AGAP1: variants seen among roughly 807,000 people sequenced by gnomAD.
The protein encoded by AGAP1 is arf-GAP with GTPase, ANK repeat and PH domain-containing protein 1.
AGAP1 carries 29 observed loss-of-function variants against 105.3 expected under a neutral mutation model. The ratio of observed to expected loss-of-function variants is 0.28; its 90% CI spans 0.21 to 0.38. The LOEUF (loss-of-function observed/expected upper bound fraction) is 0.38. Ranked by LOEUF, AGAP1 falls within the 10% of genes least tolerant of loss-of-function variation. AGAP1 has a pLI of 1.00. For synonymous variants in AGAP1, 509 were observed against 485.9 expected (o/e 1.05, Z -0.63); for missense variants, 998 against 1,165.1 (o/e 0.86, Z 2.09).
Position 236,090,825 on chromosome 2 carries a change from C to T in AGAP1, c.2115-29367C>T, listed in dbSNP as rs2059040401. 6.6e-6 allele frequency among the ~76,000 whole-genome samples: 1 copy of T among 152,258 alleles called. No homozygotes were observed. ...CACGATCTTGGCTCACTGCAACCCC[C>T]GCCTCCCAGGTTCAAGCGATTCTCA... On this transcript the variant is annotated intron_variant, in intron 16 of 17. Transcript: ENST00000304032. This position sits in a 1 kb window ranked among gnomAD's most constrained non-coding sequence, Gnocchi z 4.3.
In AGAP1 at chr2:235,906,576, A is replaced by C. The variant is rs2051316848; in HGVS notation, c.1156-2162A>C. Among the ~76,000 whole-genome samples the C allele has an allele frequency of 6.6e-6, 1 of 152,026 alleles. No homozygotes were observed. The highest frequency in any genetic ancestry group is 6.5e-5 in the Admixed American group (1 of 15,278). The stretch of plus-strand genomic sequence containing the variant: ...TCCTCCCGCCCGTCCTGCCGTTGAG[A>C]ATTCCTGCACCCTTTTCCCTTGAGT... On this transcript the variant is annotated intron_variant, in intron 10 of 17. Transcript: ENST00000304032. The surrounding 1 kb of genome is among the most constrained non-coding windows in gnomAD (Gnocchi z 5.3).
intron 3 of AGAP1, 62 bp downstream of exon 3, chr2:235,717,706 C>A (rs1951189494): frequency 1.4e-6 from 2 of 1,401,450 alleles, no homozygotes; most frequent in Non-Finnish European, 9.9e-7. Context: ...TTTTCCTTAG[C>A]ATATTATAAA....
rs2125042627 is a variant in AGAP1, at chr2:235,908,964, CTCGAGGATAA to C, written c.1324+60_1324+69del. 6.5e-7 allele frequency: 1 copy of C among 1,542,128 alleles called. No individual in the cohort carries two copies. Among genetic ancestry groups the C allele is most frequent in the South Asian group, 1.2e-5 (1 of 84,366 alleles). On this transcript the variant is annotated intron_variant, in intron 11 of 17. Coordinates refer to ENST00000304032, the MANE Select transcript of AGAP1 (RefSeq NM_001037131.3). This position sits in a 1 kb window ranked among gnomAD's most constrained non-coding sequence, Gnocchi z 4.4. ...GTTCAACAGCAACAGGTGGTCCAGG[CTCGAGGATAA>C]TGTTGGACTCCTAGGTTAAGTGGAG...
chr2:235,674,801 C>G (rs536632873), intron 1 of AGAP1, among the ~76,000 whole-genome samples: 1 of 151,226 alleles, frequency 6.6e-6, no homozygotes, highest in East Asian at 2.0e-4. Flanking sequence ...CAATTCTCCT[C>G]CCTCAGCCTC....
At chr2:235,856,285 T>C (rs2048683077) in intron 9 of AGAP1, among the ~76,000 whole-genome samples, 1 of 152,234 alleles carries the variant, frequency 6.6e-6, no homozygotes, top group Non-Finnish European at 1.5e-5. Flanking sequence ...TTTGTTCTTG[T>C]ACCCAGTGAT....
At position 235,524,420 on chromosome 2, in the gene AGAP1, CAGTG is replaced by C. The variant is rs573754416; in HGVS notation, c.163+29572_163+29575del. 5 of 243,970 alleles carry C rather than the reference CAGTG, an allele frequency of 2.0e-5. No homozygotes were observed. The Admixed American group carries it at 2.2e-4, about 11-fold the overall frequency. 15.1% of individuals were successfully genotyped at this position (243,970 alleles called of 1,614,324 possible). A position where few individuals can be genotyped will look rare whatever the true frequency, so the allele number is the denominator to read the frequency against. On this transcript the variant is annotated intron_variant, in intron 1 of 17. Coordinates refer to ENST00000304032, the MANE Select transcript of AGAP1 (RefSeq NM_001037131.3). The stretch of plus-strand genomic sequence containing the variant: ...TGTGTGATATTTTTGCACAGCCTGA[CAGTG>C]GGGGCAAGTTTAGAGCCTTTGAGCT...
At chr2:235,833,665 C>T (rs62190887) in intron 9 of AGAP1, among the ~76,000 whole-genome samples, 23,820 of 151,890 alleles carry the variant, frequency 0.16, 2,267 homozygotes, top group South Asian at 0.26. Context: ...AAATATATCC[C>T]GAATGAATGA....
chr2:235,675,165 T>G (rs555692895), intron 1 of AGAP1, among the ~76,000 whole-genome samples: 77 of 150,454 alleles, frequency 5.1e-4, no homozygotes, highest in Admixed American at 8.7e-4. Flanking sequence ...GGACACTTTT[T>G]GTTGGTTGGT....
chr2:235,670,127 C>A (rs1411390893), intron 1 of AGAP1: 1 of 572,964 alleles, frequency 1.7e-6, no homozygotes, highest in Non-Finnish European at 3.2e-6. Flanking sequence ...CAGTGGCGAG[C>A]CCGCGTCGCC....
intron 1 of AGAP1, among the ~76,000 whole-genome samples, chr2:235,686,588 C>CACACATACATAT (rs1553605459): frequency 3.3e-4 from 36 of 108,514 alleles, no homozygotes; most frequent in African/African-American, 1.2e-3. Flanking sequence ...CACACACACA[C>CACACATACATAT]GTGTGTGTGT....
In AGAP1 at chr2:235,837,804, G is replaced by C. The variant is rs1420638351; in HGVS notation, c.1050+30473G>C. On this transcript the variant is annotated intron_variant, in intron 9 of 17. Transcript: ENST00000304032. Reference sequence around the variant, plus strand: ...TTTTCTCATCAATAAATTTATTACTGTTAATTCCAGATAAATGTTAGAAAA... The same window carrying C: ...TTTTCTCATCAATAAATTTATTACTCTTAATTCCAGATAAATGTTAGAAAA... Among the ~76,000 whole-genome samples the C allele has an allele frequency of 1.6e-4, 25 of 152,082 alleles. 1 individual carries two copies. Among genetic ancestry groups the C allele is most frequent in the Admixed American group, 1.6e-3 (25 of 15,274 alleles).
Position 236,087,620 on chromosome 2 carries a change from A to G in AGAP1, c.2115-32572A>G, listed in dbSNP as rs1002395446. Among the ~76,000 whole-genome samples, 2 of 152,178 alleles carry G rather than the reference A, an allele frequency of 1.3e-5. No individual in the cohort carries two copies. Among genetic ancestry groups the G allele is most frequent in the East Asian group, 1.9e-4 (1 of 5,188 alleles). On this transcript the variant is annotated intron_variant, in intron 16 of 17. Coordinates refer to ENST00000304032, the MANE Select transcript of AGAP1 (RefSeq NM_001037131.3). This position sits in a 1 kb window ranked among gnomAD's most constrained non-coding sequence, Gnocchi z 5.7. ...GAATCAGGCCCCTTGGTTAAGCGTG[A>G]TAACATGATCACCTGGTGTTTTAAA...
rs1184887129 is a variant in AGAP1 at position 235,700,758 on chromosome 2, C to A, written c.164-8421C>A. On this transcript the variant is annotated intron_variant, in intron 1 of 17. Coordinates refer to ENST00000304032, the MANE Select transcript of AGAP1 (RefSeq NM_001037131.3). The surrounding 1 kb of genome is among the most constrained non-coding windows in gnomAD (Gnocchi z 6.1). ...TAGGTTGCAGTGAGCCAAGATTGTG[C>A]CACTGCACTCCAGGCTGGGCGACAA... Among the ~76,000 whole-genome samples the A allele has an allele frequency of 6.6e-6, 1 of 151,754 alleles. No individual in the cohort carries two copies. The highest frequency in any genetic ancestry group is 1.9e-4 in the East Asian group (1 of 5,182).
chr2:235,574,231 T>C lies in AGAP1; in HGVS notation c.163+79382T>C, dbSNP rs1944662723. 1.3e-5 allele frequency among the ~76,000 whole-genome samples: 2 copies of C among 152,226 alleles called. No individual in the cohort carries two copies. The highest frequency in any genetic ancestry group is 1.3e-4 in the Admixed American group (2 of 15,290). On this transcript the variant is annotated intron_variant, in intron 1 of 17. Coordinates refer to ENST00000304032, the MANE Select transcript of AGAP1 (RefSeq NM_001037131.3). The surrounding 1 kb of genome is among the most constrained non-coding windows in gnomAD (Gnocchi z 5.0). ...GACGGACTCTTTCAGGTTGTTTGGATAATCATCCTAAAAACGCCTCTGAGA... is the reference window on the plus strand; with the variant it reads ...GACGGACTCTTTCAGGTTGTTTGGACAATCATCCTAAAAACGCCTCTGAGA...
chr2:235,536,941 G>A (rs2149086715), intron 1 of AGAP1, among the ~76,000 whole-genome samples: 1 of 152,214 alleles, frequency 6.6e-6, no homozygotes, highest in Middle Eastern at 3.4e-3. Context: ...TCTCTGCTGT[G>A]GGCAGGTGCA....
chr2:236,075,951 C>T (rs1448394683), intron 16 of AGAP1, among the ~76,000 whole-genome samples: 2 of 152,210 alleles, frequency 1.3e-5, no homozygotes, highest in African/African-American at 4.8e-5. Context: ...AGGGGCCATG[C>T]TGCAGAGGAG....
rs1221611075 is a variant in AGAP1, at chr2:235,843,872, AG to A, written c.1050+36543del. ...CACACTTGGCACAGAATCTTCTTCC[AG>A]GCAGCCTCCTGGGCCGCCAGTGGTG... On this transcript the variant is annotated intron_variant, in intron 9 of 17. Transcript: ENST00000304032. The surrounding 1 kb of genome is among the most constrained non-coding windows in gnomAD (Gnocchi z 5.9). Among the ~76,000 whole-genome samples the A allele has an allele frequency of 6.6e-6, 1 of 152,134 alleles. No individual in the cohort carries two copies. The highest frequency in any genetic ancestry group is 2.4e-5 in the African/African-American group (1 of 41,444).
At chr2:235,948,203 G>A (rs948675501) in intron 12 of AGAP1, among the ~76,000 whole-genome samples, 2 of 152,176 alleles carry the variant, frequency 1.3e-5, no homozygotes, top group Non-Finnish European at 2.9e-5. Flanking sequence ...TTGTCTTAGA[G>A]ACAGGGTCTC....
At position 235,628,160 on chromosome 2, in the gene AGAP1, C is replaced by T. The variant is rs370622737; in HGVS notation, c.164-81019C>T. Among the ~76,000 whole-genome samples the T allele has an allele frequency of 2.4e-4, 37 of 152,104 alleles. No homozygotes were observed. The East Asian group carries it at 4.9e-3, about 20-fold the overall frequency. On this transcript the variant is annotated intron_variant, in intron 1 of 17. Coordinates refer to ENST00000304032, the MANE Select transcript of AGAP1 (RefSeq NM_001037131.3). Reference sequence around the variant, plus strand: ...TGCACTGGGGTAGTTCAGTGGTGAGCGGATGGGGAGAAGGCAGGGCCAGCC... The same window carrying T: ...TGCACTGGGGTAGTTCAGTGGTGAGTGGATGGGGAGAAGGCAGGGCCAGCC...
Sources: allele counts gnomAD v4.1 joint callset (sites outside exome capture counted in the v4.1 genomes callset), GRCh38; gene constraint gnomAD v4.1.1; non-coding constraint Gnocchi (gnomAD v3.1); transcripts MANE v1.5; gene names NCBI Gene and HGNC (gene_info 2026-07-23, HGNC 2026-07-21).